GRIP1: variants seen among roughly 807,000 people sequenced by gnomAD.
The protein encoded by GRIP1 is glutamate receptor-interacting protein 1.
A neutral mutation model predicts 129.9 loss-of-function variants in GRIP1; 45 were observed. The observed-to-expected ratio is 0.35, with a 90% CI of 0.27 to 0.44. The LOEUF (loss-of-function observed/expected upper bound fraction) is 0.44. Ranked by LOEUF, GRIP1 falls within the 20% of genes least tolerant of loss-of-function variation. The pLI, the probability that GRIP1 is intolerant of heterozygous loss-of-function variation, is 1.00. For missense variants in GRIP1, 1,196 were observed against 1,396.8 expected, an observed-to-expected ratio of 0.86 and a Z score of 2.29; for synonymous variants, 530 against 520.8, an observed-to-expected ratio of 1.02 and a Z score of -0.24.
intron 1 of GRIP1, among the ~76,000 whole-genome samples, chr12:66,630,772 T>C (rs2030687029): frequency 6.6e-6 from 1 of 152,162 alleles, no homozygotes. Context: ...AAAGATGTTT[T>C]CAAATAGGTG....
At chr12:66,440,888 A>G (rs991989194) in intron 13 of GRIP1, among the ~76,000 whole-genome samples, 1 of 152,222 alleles carries the variant, frequency 6.6e-6, no homozygotes, top group Non-Finnish European at 1.5e-5. Flanking sequence ...AATAAAGGAT[A>G]TAATACAATA....
intron 14 of GRIP1, among the ~76,000 whole-genome samples, chr12:66,425,425 G>A (rs1352755931): frequency 6.6e-6 from 1 of 152,112 alleles, no homozygotes; most frequent in African/African-American, 2.4e-5. Context: ...CAATTCCTCA[G>A]GGATCTAGAA....
At chr12:66,589,872 T>C (rs1396482572) in intron 2 of GRIP1, among the ~76,000 whole-genome samples, 1 of 152,184 alleles carries the variant, frequency 6.6e-6, no homozygotes, top group Non-Finnish European at 1.5e-5. Flanking sequence ...CAGTAATCTA[T>C]GTAAGATGCT....
At chr12:66,775,329 T>C (rs1046960552) in intron 1 of GRIP1, among the ~76,000 whole-genome samples, 1 of 152,188 alleles carries the variant, frequency 6.6e-6, no homozygotes, top group Non-Finnish European at 1.5e-5. Context: ...TACATCTCCA[T>C]AATTTAAAAT....
chr12:66,534,520 A>G (rs1489724754), intron 4 of GRIP1, among the ~76,000 whole-genome samples: 1 of 152,198 alleles, frequency 6.6e-6, no homozygotes, highest in Non-Finnish European at 1.5e-5. Flanking sequence ...CCAAGCTCCA[A>G]CAATATGGCT....
At chr12:66,454,973 C>T (rs1198082836) in intron 11 of GRIP1, among the ~76,000 whole-genome samples, 5 of 152,102 alleles carry the variant, frequency 3.3e-5, no homozygotes, top group African/African-American at 1.2e-4. Context: ...TAAATGAATG[C>T]ATGAGAATCT....
intron 1 of GRIP1, among the ~76,000 whole-genome samples, chr12:66,903,797 G>C (rs1342540240): frequency 6.6e-6 from 1 of 152,142 alleles, no homozygotes; most frequent in Non-Finnish European, 1.5e-5. Context: ...TAGAGATCAA[G>C]GATAATTAGA....
intron 2 of GRIP1, among the ~76,000 whole-genome samples, chr12:66,557,884 C>T (rs1175293245): frequency 3.3e-5 from 5 of 151,996 alleles, no homozygotes; most frequent in Admixed American, 1.3e-4. Flanking sequence ...AAATAAACAA[C>T]CTAAGAATGC....
intron 1 of GRIP1, among the ~76,000 whole-genome samples, chr12:66,658,426 G>C (rs7969621): frequency 0.032 from 4,797 of 152,016 alleles, 241 homozygotes; most frequent in African/African-American, 0.11. Context: ...ATCCTTTTGG[G>C]GGCATGACTG....
At chr12:66,372,511 T>C (rs1173754795) in intron 22 of GRIP1, among the ~76,000 whole-genome samples, 3 of 152,206 alleles carry the variant, frequency 2.0e-5, no homozygotes, top group African/African-American at 7.2e-5. Flanking sequence ...ACCAGCTAAG[T>C]CTCCATATTA....
At position 66,912,957 on chromosome 12, in the gene GRIP1, C is replaced by T. The variant is rs143331551; in HGVS notation, c.58+156093G>A. Among the ~76,000 whole-genome samples the T allele has an allele frequency of 4.0e-3, 611 of 152,242 alleles. 3 individuals carry two copies. Among genetic ancestry groups the T allele is most frequent in the African/African-American group, 0.014 (583 of 41,556 alleles). On this transcript the variant is annotated intron_variant, in intron 1 of 1. Coordinates refer to the GRIP1 transcript ENST00000643019. ...GAAAAAACCCATAATGCAGGTACCA[C>T]GTGTTCATGCCTGAAAGAACTTCAA...
At chr12:66,827,538 T>A (rs1474939171) in intron 1 of GRIP1, among the ~76,000 whole-genome samples, 1 of 152,136 alleles carries the variant, frequency 6.6e-6, no homozygotes, top group Admixed American at 6.5e-5. Context: ...GTTCCATTGG[T>A]TGGAAGCAAG....
intron 2 of GRIP1, among the ~76,000 whole-genome samples, chr12:66,567,132 T>C (rs1054888645): frequency 2.0e-5 from 3 of 152,232 alleles, no homozygotes; most frequent in Non-Finnish European, 2.9e-5. Flanking sequence ...CCTTCAGTTC[T>C]GCTCTGATCT....
intron 1 of GRIP1, among the ~76,000 whole-genome samples, chr12:66,850,902 C>T (rs554159494): frequency 7.9e-4 from 119 of 150,204 alleles, no homozygotes; most frequent in Non-Finnish European, 1.5e-3. Context: ...TTTTAAATTT[C>T]ACTCCCTCGT....
intron 7 of GRIP1, among the ~76,000 whole-genome samples, chr12:66,506,192 A>C (rs1447207857): frequency 1.3e-5 from 2 of 152,212 alleles, no homozygotes; most frequent in African/African-American, 4.8e-5. Context: ...TCTTAGGTAT[A>C]ATCTTATGGA....
intron 7 of GRIP1, among the ~76,000 whole-genome samples, chr12:66,477,638 G>C (rs2059659842): frequency 6.6e-6 from 1 of 152,172 alleles, no homozygotes; most frequent in South Asian, 2.1e-4. Context: ...ATACTACAAG[G>C]TTACAGTAAC....
chr12:66,499,081 A>G (rs1443125981), intron 7 of GRIP1, among the ~76,000 whole-genome samples: 1 of 152,218 alleles, frequency 6.6e-6, no homozygotes, highest in African/African-American at 2.4e-5. Flanking sequence ...AGCCTTCAAC[A>G]TTAAGTGTAT....
At chr12:66,640,984 CTT>C (rs774232309) in intron 1 of GRIP1, among the ~76,000 whole-genome samples, 51 of 151,946 alleles carry the variant, frequency 3.4e-4, no homozygotes, top group Non-Finnish European at 4.9e-4. Context: ...GTGCCAATAA[CTT>C]TTTTTTTCCA....
intron 1 of GRIP1, among the ~76,000 whole-genome samples, chr12:66,860,554 A>G (rs1958669662): frequency 6.6e-6 from 1 of 152,024 alleles, no homozygotes; most frequent in African/African-American, 2.4e-5. Context: ...TTTTTGTAAC[A>G]TGCTGCCCAT....
Sources: allele counts gnomAD v4.1 joint callset (sites outside exome capture counted in the v4.1 genomes callset), GRCh38; gene constraint gnomAD v4.1.1; transcripts MANE v1.5; gene names NCBI Gene and HGNC (gene_info 2026-07-23, HGNC 2026-07-21).